The following AIG1 variants were observed in gnomAD, a reference collection of about 807,000 sequenced individuals.
AIG1 encodes the protein androgen induced 1.
In AIG1, 23 loss-of-function variants were observed where a neutral mutation model predicts 31.4. The ratio of observed to expected loss-of-function variants is 0.73; its 90% confidence interval spans 0.53 to 1.04. The LOEUF is 1.04. Ranked by LOEUF, AIG1 falls within the 50% of genes least tolerant of loss-of-function variation. The pLI, the probability that AIG1 is intolerant of heterozygous loss-of-function variation, is 0.00. For synonymous variants in AIG1, 100 were observed against 110.5 expected (o/e 0.90, Z 0.60); for missense variants, 274 against 295.0 (o/e 0.93, Z 0.52).
intron 4 of AIG1, among the ~76,000 whole-genome samples, chr6:143,320,667 G>T (rs1012551086): frequency 3.3e-5 from 5 of 152,086 alleles, no homozygotes; most frequent in Non-Finnish European, 4.4e-5. Flanking sequence ...AGAGTAGAAT[G>T]GTGGTTACCT....
In AIG1 at chr6:143,288,252, T is replaced by G. The variant is rs1797826719; in HGVS notation, c.515+4027T>G. ...GGAAACCAACTCAGACCCTAGGAAA[T>G]GTACACCCTCAAAGCTTCAAGAATG... On this transcript the variant is annotated intron_variant, in intron 4 of 5. Coordinates refer to ENST00000357847, the MANE Select transcript of AIG1 (RefSeq NM_016108.4). This position sits in a 1 kb window ranked among gnomAD's most constrained non-coding sequence, Gnocchi z 4.4. Among the ~76,000 whole-genome samples, 1 of 152,172 alleles carries G rather than the reference T, an allele frequency of 6.6e-6. No individual in the cohort carries two copies. Among genetic ancestry groups the G allele is most frequent in the Non-Finnish European group, 1.5e-5 (1 of 68,038 alleles).
chr6:143,324,889 G>A (rs771120081), intron 4 of AIG1, among the ~76,000 whole-genome samples: 24 of 152,146 alleles, frequency 1.6e-4, no homozygotes, highest in African/African-American at 2.4e-4. Context: ...ACCTCACTGC[G>A]CCCTCAAGGG....
downstream of AIG1, among the ~76,000 whole-genome samples, chr6:143,341,162 T>C (rs2128728616): frequency 6.6e-6 from 1 of 152,258 alleles, no homozygotes; most frequent in African/African-American, 2.4e-5. Flanking sequence ...TCTAGCAGCA[T>C]TACCATATTA....
chr6:143,245,575 A>T (rs1022392416), intron 3 of AIG1, among the ~76,000 whole-genome samples: 3 of 152,256 alleles, frequency 2.0e-5, no homozygotes, highest in Admixed American at 1.3e-4. Flanking sequence ...ACAGTCATAC[A>T]GAATGATAAT....
chr6:143,211,049 G>A (rs1319359142), intron 3 of AIG1, among the ~76,000 whole-genome samples: 1 of 152,134 alleles, frequency 6.6e-6, no homozygotes, highest in Non-Finnish European at 1.5e-5. Context: ...AATTTAGTAA[G>A]CATTTTGCAC....
intron 4 of AIG1, among the ~76,000 whole-genome samples, chr6:143,310,128 C>T (rs1245247034): frequency 6.6e-6 from 1 of 151,902 alleles, no homozygotes; most frequent in Admixed American, 6.6e-5. Flanking sequence ...ACCTGAACAA[C>T]CATCAATCAA....
At chr6:143,249,666 C>T (rs916506753) in intron 3 of AIG1, among the ~76,000 whole-genome samples, 2 of 152,186 alleles carry the variant, frequency 1.3e-5, no homozygotes, top group Non-Finnish European at 2.9e-5. Context: ...TTACAGACGA[C>T]CCCTCTCCTG....
At chr6:143,161,337 C>T (rs183314100) in intron 2 of AIG1, among the ~76,000 whole-genome samples, 357 of 152,082 alleles carry the variant, frequency 2.3e-3, no homozygotes, top group African/African-American at 8.3e-3. Flanking sequence ...TTGCACAAAA[C>T]CCTTCAGAAA....
intron 1 of AIG1, among the ~76,000 whole-genome samples, chr6:143,132,739 T>G (rs995708819): frequency 6.6e-6 from 1 of 152,050 alleles, no homozygotes; most frequent in Admixed American, 6.5e-5. Context: ...TTGTTAATAT[T>G]TAAAGTCTTT....
At chr6:143,135,535 A>G (rs2128519796) in intron 1 of AIG1, among the ~76,000 whole-genome samples, 1 of 152,284 alleles carries the variant, frequency 6.6e-6, no homozygotes, top group Middle Eastern at 3.4e-3. Context: ...GGCTGCAGAA[A>G]GAATGACAGT....
chr6:143,284,262 A>C lies in AIG1; in HGVS notation c.515+37A>C. 1.3e-6 allele frequency: 2 copies of C among 1,492,604 alleles called. No homozygotes were observed. The highest frequency in any genetic ancestry group is 1.9e-6 in the Non-Finnish European group (2 of 1,076,536). The allele number at this position is 1,492,604 out of a possible 1,614,324, so 92.5% of individuals were successfully genotyped here. On this transcript the variant is annotated intron_variant, in intron 4 of 5. Transcript: ENST00000357847. This position sits in a 1 kb window ranked among gnomAD's most constrained non-coding sequence, Gnocchi z 4.4. ...GCCTGCTGGGCTTTCTTATTGTATT[A>C]GATTTTGCACTGCTAAATTTGGGCA...
intron 3 of AIG1, among the ~76,000 whole-genome samples, chr6:143,186,079 G>A (rs1789233458): frequency 2.0e-5 from 3 of 152,234 alleles, no homozygotes; most frequent in African/African-American, 7.2e-5. Flanking sequence ...ACTTGCCCAA[G>A]CGCTCACAGC....
chr6:143,203,203 G>A (rs2128608448), intron 3 of AIG1, among the ~76,000 whole-genome samples: 1 of 152,260 alleles, frequency 6.6e-6, no homozygotes, highest in South Asian at 2.1e-4. Flanking sequence ...TCTTGGAAAT[G>A]GCTGTAGTTT....
chr6:143,165,618 C>G (rs373347100), intron 3 of AIG1, among the ~76,000 whole-genome samples: 2 of 152,194 alleles, frequency 1.3e-5, no homozygotes, highest in Admixed American at 1.3e-4. Context: ...GACAGTTTCC[C>G]TCAGATGGGC....
intron 3 of AIG1, among the ~76,000 whole-genome samples, chr6:143,227,919 C>A (rs1165812594): frequency 6.6e-6 from 1 of 152,180 alleles, no homozygotes; most frequent in Non-Finnish European, 1.5e-5. Context: ...TTGCTGCATT[C>A]CTCTTTATCT....
chr6:143,244,726 T>TTTAGAGAAATCTTGGGA (rs1472173145), intron 3 of AIG1, among the ~76,000 whole-genome samples: 2 of 152,236 alleles, frequency 1.3e-5, no homozygotes, highest in Non-Finnish European at 2.9e-5. Flanking sequence ...GTGCAGGCTC[T>TTTAGAGAAATCTTGGGA]TTAGAGAAAT....
rs529841346 is a variant in AIG1 at position 143,186,753 on chromosome 6, C to T, written c.399+21570C>T. On this transcript the variant is annotated intron_variant, in intron 3 of 5. Transcript: ENST00000357847. ...TTTGAAAGGGTCCTGAACCGGATAA[C>T]CTTTCGAGTTTTCTCCAGTTTTATT... 3.3e-5 allele frequency: 5 copies of T among 152,746 alleles called. No homozygotes were observed. In the South Asian group the frequency reaches 1.0e-3, roughly 32 times the overall value. 9.5% of individuals were successfully genotyped at this position (152,746 alleles called of 1,614,324 possible).
At chr6:143,095,643 A>G (rs1297178976) in intron 1 of AIG1, among the ~76,000 whole-genome samples, 2 of 152,182 alleles carry the variant, frequency 1.3e-5, no homozygotes, top group Non-Finnish European at 2.9e-5. Context: ...AAAATTTTAT[A>G]CCTGACCAAG....
intron 3 of AIG1, among the ~76,000 whole-genome samples, chr6:143,235,793 C>A (rs975987783): frequency 9.2e-5 from 14 of 152,334 alleles, no homozygotes; most frequent in African/African-American, 3.1e-4. Flanking sequence ...AGGTTTAACA[C>A]AGAAGTGGAT....
Sources: allele counts gnomAD v4.1 joint callset (sites outside exome capture counted in the v4.1 genomes callset), GRCh38; gene constraint gnomAD v4.1.1; non-coding constraint Gnocchi (gnomAD v3.1); transcripts MANE v1.5; gene names NCBI Gene and HGNC (gene_info 2026-07-23, HGNC 2026-07-21).